IQSEC1: variants seen among roughly 807,000 people sequenced by gnomAD.
IQSEC1 encodes IQ motif and Sec7 domain ArfGEF 1.
A neutral mutation model predicts 91.0 loss-of-function variants in IQSEC1; 31 were observed. That is an observed-to-expected ratio of 0.34 (90% CI 0.26 to 0.46). The LOEUF (loss-of-function observed/expected upper bound fraction) is 0.46, where lower values mean the gene tolerates loss of function less well. Among genes scored for constraint, IQSEC1 ranks in the 20% least tolerant of loss-of-function variants. The probability of loss-of-function intolerance (pLI) is 1.00; values close to 1 mark genes in which losing one functional copy is unlikely to be tolerated. For missense variants in IQSEC1, 1,388 were observed against 1,575.6 expected (o/e 0.88, Z 2.02); for synonymous variants, 699 against 662.6 (o/e 1.05, Z -0.84).
chr3:13,233,583 C>A (rs1039255729), intron 1 of IQSEC1, among the ~76,000 whole-genome samples: 3 of 152,216 alleles, frequency 2.0e-5, no homozygotes, highest in Admixed American at 6.5e-5. Context: ...CCGGACTGTG[C>A]CCCAGCCTCC....
chr3:13,016,387 G>A (rs1461399018), intron 1 of IQSEC1, among the ~76,000 whole-genome samples: 1 of 152,168 alleles, frequency 6.6e-6, no homozygotes, highest in Non-Finnish European at 1.5e-5. Context: ...GGCCTTCCCT[G>A]CCCCCAACGC....
intron 1 of IQSEC1, among the ~76,000 whole-genome samples, chr3:12,950,646 A>AT (rs35512437): frequency 0.54 from 79,097 of 145,984 alleles, 21,985 homozygotes; most frequent in African/African-American, 0.64. Flanking sequence ...ATCTCTACAA[A>AT]TTTTTTTTTT....
intron 1 of IQSEC1, among the ~76,000 whole-genome samples, chr3:13,237,454 G>A (rs1233343361): frequency 2.0e-5 from 3 of 152,186 alleles, no homozygotes; most frequent in Admixed American, 1.3e-4. Context: ...TTATTCCCTC[G>A]GTTCCTGCCA....
chr3:13,232,314 C>A (rs551831038), intron 1 of IQSEC1, among the ~76,000 whole-genome samples: 1 of 152,228 alleles, frequency 6.6e-6, no homozygotes, highest in African/African-American at 2.4e-5. Flanking sequence ...GGGGCACCAA[C>A]GCCGAGTGGC....
chr3:13,117,569 CAAAAAAAAAAAAA>C (rs34002295), intron 2 of IQSEC1, among the ~76,000 whole-genome samples: 3 of 9,460 alleles, frequency 3.2e-4, no homozygotes, highest in Non-Finnish European at 1.8e-4. Context: ...GACTCCGTCT[CAAAAAAAAAAAAA>C]AAAAAAAAAA....
At chr3:13,206,634 C>T (rs1429346009) in intron 1 of IQSEC1, among the ~76,000 whole-genome samples, 2 of 152,090 alleles carry the variant, frequency 1.3e-5, no homozygotes, top group African/African-American at 2.4e-5. Context: ...TTTTAAAAAT[C>T]GTATGCATTA....
intron 1 of IQSEC1, among the ~76,000 whole-genome samples, chr3:13,199,300 C>T (rs1179898088): frequency 1.3e-5 from 2 of 152,206 alleles, no homozygotes; most frequent in Non-Finnish European, 2.9e-5. Flanking sequence ...TGACGCAGTC[C>T]TGGTTGACAG....
chr3:13,058,075 C>T (rs911354971), intron 1 of IQSEC1, among the ~76,000 whole-genome samples: 1 of 152,208 alleles, frequency 6.6e-6, no homozygotes, highest in African/African-American at 2.4e-5. Context: ...GAGTTCAAGA[C>T]CAGCCTGGCC....
chr3:12,986,938 T>C (rs1701766428), intron 1 of IQSEC1: 3 of 360,606 alleles, frequency 8.3e-6, no homozygotes, highest in Non-Finnish European at 1.7e-5. Flanking sequence ...GAGATACTAA[T>C]AGTGGGGCTG....
intron 1 of IQSEC1, among the ~76,000 whole-genome samples, chr3:13,248,909 A>G (rs1468379532): frequency 1.0e-5 from 1 of 96,884 alleles, no homozygotes; most frequent in Non-Finnish European, 1.9e-5. Context: ...AGCTGCACAG[A>G]CAGGTTAAGT....
intron 1 of IQSEC1, among the ~76,000 whole-genome samples, chr3:12,953,012 C>A (rs776949154): frequency 1.2e-4 from 18 of 152,202 alleles, no homozygotes; most frequent in Non-Finnish European, 2.2e-4. Flanking sequence ...TCCTCTGGGG[C>A]CTCACTGTTC....
At chr3:12,963,377 A>G (rs938232870) in intron 1 of IQSEC1, among the ~76,000 whole-genome samples, 4 of 152,280 alleles carry the variant, frequency 2.6e-5, no homozygotes, top group African/African-American at 9.6e-5. Context: ...TGGGACCCCA[A>G]GAAGGAAGAT....
intron 2 of IQSEC1, among the ~76,000 whole-genome samples, chr3:13,145,923 G>A (rs1706888168): frequency 6.6e-6 from 1 of 152,106 alleles, no homozygotes; most frequent in South Asian, 2.1e-4. Context: ...GAGTCACAGA[G>A]AGCCATGGTA....
rs1341925512 is a variant in IQSEC1, at chr3:12,899,285, T to G, written c.*1698A>C. The G allele has an allele frequency of 3.8e-6, 5 of 1,304,214 alleles. No homozygotes were observed. The highest frequency in any genetic ancestry group is 4.1e-5 in the Admixed American group (2 of 48,672). 80.8% of individuals were successfully genotyped at this position (1,304,214 alleles called of 1,614,324 possible). On this transcript the variant is annotated 3_prime_UTR_variant, in exon 14 of 14. Transcript: ENST00000613206. ...GGCCACGGCTCACCACGCTGTCCAC[T>G]GGGAACGCGGCCCCGCGGCCCGCAG...
At chr3:13,115,134 T>TG (rs1706314168) in intron 2 of IQSEC1, among the ~76,000 whole-genome samples, 1 of 152,192 alleles carries the variant, frequency 6.6e-6, no homozygotes, top group Non-Finnish European at 1.5e-5. Flanking sequence ...ACAGATGGGT[T>TG]GTGAGCTGAG....
chr3:13,191,477 A>ATTTTTT (rs57912681), intron 1 of IQSEC1, among the ~76,000 whole-genome samples: 41 of 92,100 alleles, frequency 4.5e-4, no homozygotes, highest in Middle Eastern at 0.01. Flanking sequence ...CACCCAGCTA[A>ATTTTTT]TTTTTTTTTT....
intron 1 of IQSEC1, among the ~76,000 whole-genome samples, chr3:13,235,870 G>A (rs1009833036): frequency 5.3e-5 from 8 of 152,188 alleles, no homozygotes; most frequent in South Asian, 2.1e-4. Flanking sequence ...TTCTTATGCC[G>A]CCCCGTTCCC....
chr3:13,156,946 T>C (rs887842674), intron 2 of IQSEC1, among the ~76,000 whole-genome samples: 3 of 152,118 alleles, frequency 2.0e-5, no homozygotes, highest in African/African-American at 7.2e-5. Flanking sequence ...GAGGAGAGAA[T>C]GGAGAGTCAG....
At chr3:13,168,794 C>A (rs1197679854) in intron 1 of IQSEC1, among the ~76,000 whole-genome samples, 1 of 152,170 alleles carries the variant, frequency 6.6e-6, no homozygotes, top group African/African-American at 2.4e-5. Flanking sequence ...ACTTTAAATA[C>A]CACCTCTTAG....
Sources: gnomAD v4.1 joint callset for allele counts (sites outside exome capture counted in the v4.1 genomes callset) on GRCh38, gnomAD v4.1.1 for gene constraint, MANE v1.5 for transcripts, NCBI Gene and HGNC (gene_info 2026-07-23, HGNC 2026-07-21) for gene names.